Variants in MBD4 observed in about 807,000 individuals in gnomAD.
The protein encoded by MBD4 is methyl-CpG binding domain 4, DNA glycosylase, also known as methyl-CpG-binding domain protein 4.
A neutral mutation model predicts 60.2 loss-of-function variants in MBD4; 53 were observed. The ratio of observed to expected loss-of-function variants is 0.88; its 90% confidence interval spans 0.71 to 1.11. The LOEUF is 1.11. Ranked by LOEUF, MBD4 falls within the 50% of genes least tolerant of loss-of-function variation. The probability of loss-of-function intolerance (pLI) is 0.00; values close to 1 mark genes in which losing one functional copy is unlikely to be tolerated. For synonymous variants in MBD4, 231 were observed against 229.8 expected (o/e 1.01, Z -0.05); for missense variants, 619 against 674.0 (o/e 0.92, Z 0.90).
In MBD4 at chr3:129,433,086, A is replaced by G; in HGVS notation, c.1543+12T>C. On this transcript the variant is annotated intron_variant, in intron 6 of 7. Coordinates refer to ENST00000429544, the MANE Select transcript of MBD4 (RefSeq NM_001276270.2). ...TGTATTATGTTTTTCCTTTGGGTGT[A>G]TAGGAAAATACCTGAGAACTTGACA... is the stretch of plus-strand genomic sequence containing the variant. The G allele has an allele frequency of 1.9e-6, 3 of 1,614,094 alleles. No individual in the cohort carries two copies. The highest frequency in any genetic ancestry group is 2.5e-6 in the Non-Finnish European group (3 of 1,179,942).
Position 129,439,818 on chromosome 3 carries a change from G to A in MBD4, c.16C>T (p.Leu6=). ...CGGTCCCCCAGACTCAGACTCTCCA[G>A]CCCAGTCGTGCCCATCGAGCAGGGT... MGTTG[L]ESLSLGDRGA... The change falls in exon 1 of 8, where the codon CTG becomes TTG. Residue 6 remains leucine (L), a synonymous_variant. Transcript: ENST00000429544. The A allele has an allele frequency of 6.2e-7, 1 of 1,611,040 alleles. No individual in the cohort carries two copies. Among genetic ancestry groups the A allele is most frequent in the East Asian group, 2.2e-5 (1 of 44,792 alleles).
Position 129,433,089 on chromosome 3 carries a change from G to A in MBD4, c.1543+9C>T. 1 of 1,614,110 alleles carries A rather than the reference G, an allele frequency of 6.2e-7. No individual in the cohort carries two copies. The highest frequency in any genetic ancestry group is 1.6e-4 in the Middle Eastern group (1 of 6,062). On this transcript the variant is annotated intron_variant, in intron 6 of 7. Transcript: ENST00000429544. ...ATTATGTTTTTCCTTTGGGTGTATA[G>A]GAAAATACCTGAGAACTTGACAATG...
chr3:129,433,890 C>A lies in MBD4; in HGVS notation c.1353G>T (p.Trp451Cys). Residue 451 changes from tryptophan (W) to cysteine (C), a missense_variant, in exon 5 of 8, where the codon TGG (tryptophan) becomes TGT (cysteine). Physicochemically the swap from Trp to Cys is radical, Grantham distance 215 (BLOSUM62 -2). Transcript: ENST00000429544. ...LVQETLFHDP[W>C]KLLIATIFLN... Reference sequence around the variant, plus strand: ...GAAATATAGTAGCGATGAGAAGCTTCCATGGATCATGAAAAAGTGTTTCTT... The same window carrying A: ...GAAATATAGTAGCGATGAGAAGCTTACATGGATCATGAAAAAGTGTTTCTT... 1 of 1,614,132 alleles carries A rather than the reference C, an allele frequency of 6.2e-7. No homozygotes were observed. Among genetic ancestry groups the A allele is most frequent in the Non-Finnish European group, 8.5e-7 (1 of 1,179,986 alleles).
In MBD4 at chr3:129,438,751, GA is replaced by G. The variant is rs72010084; in HGVS notation, c.105-802del. Among the ~76,000 whole-genome samples, 633 of 143,202 alleles carry G rather than the reference GA, an allele frequency of 4.4e-3. 6 individuals carry two copies. Among genetic ancestry groups the G allele is most frequent in the African/African-American group, 0.016 (608 of 38,664 alleles). The allele number at this position is 143,202 out of a possible 152,430, so 93.9% of individuals were successfully genotyped here. A position where few individuals can be genotyped will look rare whatever the true frequency, so the allele number is the denominator to read the frequency against. The stretch of plus-strand genomic sequence containing the variant: ...TGAGATCCTCGTCTTTGCAAAAAAT[GA>G]AAAAAAAAACCCAAAAAAACAAAAA... On this transcript the variant is annotated intron_variant, in intron 1 of 7. Coordinates refer to ENST00000429544, the MANE Select transcript of MBD4 (RefSeq NM_001276270.2).
At chr3:129,434,610 G>A (rs1290212661) in intron 3 of MBD4, among the ~76,000 whole-genome samples, 1 of 152,136 alleles carries the variant, frequency 6.6e-6, no homozygotes, top group African/African-American at 2.4e-5. Flanking sequence ...GAAAAAGCAA[G>A]AGTCTACATA....
At position 129,439,923 on chromosome 3, in the gene MBD4, C is replaced by T. The variant is rs1053786015; in HGVS notation, c.-90G>A. The T allele has an allele frequency of 2.9e-5, 27 of 935,460 alleles. No homozygotes were observed. The highest frequency in any genetic ancestry group is 4.4e-5 in the Non-Finnish European group (26 of 585,452). The allele number at this position is 935,460 out of a possible 1,614,324, so 57.9% of individuals were successfully genotyped here. ...GATGTGAAACCTCTTCAGCTCACGG[C>T]ACCGGGCTGCAACCGAGGTCTGAAT... On this transcript the variant is annotated 5_prime_UTR_variant, in exon 1 of 8. Coordinates refer to ENST00000429544, the MANE Select transcript of MBD4 (RefSeq NM_001276270.2).
Position 129,431,465 on chromosome 3 carries a change from G to A in MBD4, c.*36C>T, listed in dbSNP as rs180861060. The A allele has an allele frequency of 4.2e-4, 655 of 1,544,382 alleles. No homozygotes were observed. Among genetic ancestry groups the A allele is most frequent in the Non-Finnish European group, 5.3e-4 (594 of 1,117,866 alleles). On this transcript the variant is annotated 3_prime_UTR_variant, in exon 8 of 8. Coordinates refer to ENST00000429544, the MANE Select transcript of MBD4 (RefSeq NM_001276270.2). ...TAATTAAGCTTTTTTGAAGTGCAAA[G>A]CTATGCATAACAGATGAGCTTGAAA... is the stretch of plus-strand genomic sequence containing the variant.
At position 129,439,727 on chromosome 3, in the gene MBD4, T is replaced by C. The variant is rs1455790904; in HGVS notation, c.104+3A>G. On this transcript the variant is annotated splice_donor_region_variant and intron_variant, in intron 1 of 7. Coordinates refer to ENST00000429544, the MANE Select transcript of MBD4 (RefSeq NM_001276270.2). The stretch of plus-strand genomic sequence containing the variant: ...TGAGGCCCAAAAGGGGACAGTAACT[T>C]ACCGGAGGTCATTCGGCGGGTCTGG... 1.3e-6 allele frequency: 2 copies of C among 1,565,720 alleles called. No homozygotes were observed. Among genetic ancestry groups the C allele is most frequent in the South Asian group, 1.2e-5 (1 of 86,174 alleles).
At chr3:129,439,405 A>T (rs1257279563) in intron 1 of MBD4, among the ~76,000 whole-genome samples, 1 of 152,200 alleles carries the variant, frequency 6.6e-6, no homozygotes, top group African/African-American at 2.4e-5. Context: ...TTAAATTTTG[A>T]AAAAAGTAGG....
chr3:129,433,895 G>A lies in MBD4; in HGVS notation c.1348C>T (p.Pro450Ser). The change falls in exon 5 of 8, where the codon CCA becomes TCA. Residue 450 changes from proline (P) to serine (S), a missense_variant. Transcript: ENST00000429544. ...NLVQETLFHD[P>S]WKLLIATIFL... The stretch of plus-strand genomic sequence containing the variant: ...ATAGTAGCGATGAGAAGCTTCCATG[G>A]ATCATGAAAAAGTGTTTCTTGAACG... 6.2e-7 allele frequency: 1 copy of A among 1,614,124 alleles called. No homozygotes were observed. Among genetic ancestry groups the A allele is most frequent in the Non-Finnish European group, 8.5e-7 (1 of 1,179,962 alleles).
chr3:129,437,807 C>A lies in MBD4; in HGVS notation c.248G>T (p.Arg83Leu). Reference protein sequence around the residue: ...QFGATAGTECRKSVPCGWERV... With the variant: ...QFGATAGTECLKSVPCGWERV... ...TTCCCATCCACATGGGACAGACTTA[C>A]GGCATTCTGTTCCTGCAGTAGCACC... is the stretch of plus-strand genomic sequence containing the variant. The change falls in exon 2 of 8, where the codon CGT becomes CTT. Residue 83 changes from arginine to leucine, a missense_variant. Coordinates refer to ENST00000429544, the MANE Select transcript of MBD4 (RefSeq NM_001276270.2). 6 of 1,614,146 alleles carry A rather than the reference C, an allele frequency of 3.7e-6. No homozygotes were observed. Among genetic ancestry groups the A allele is most frequent in the African/African-American group, 1.3e-5 (1 of 75,034 alleles).
At chr3:129,433,719 T>C in intron 5 of MBD4, 131 bp downstream of exon 5, 2 of 1,034,778 alleles carry the variant, frequency 1.9e-6, no homozygotes, top group Non-Finnish European at 3.0e-6. Context: ...GGTGAAGAGT[T>C]TAAGGGTGAA....
At chr3:129,435,311 T>A (rs1420811718) in intron 3 of MBD4, among the ~76,000 whole-genome samples, 1 of 152,126 alleles carries the variant, frequency 6.6e-6, no homozygotes, top group African/African-American at 2.4e-5. Flanking sequence ...TAATTACTAG[T>A]CTCCTTTATG....
Position 129,438,005 on chromosome 3 carries a change from T to C in MBD4, c.105-55A>G, listed in dbSNP as rs559397947. The C allele has an allele frequency of 2.9e-6, 3 of 1,031,844 alleles. No homozygotes were observed. In the South Asian group the frequency reaches 3.9e-5, roughly 14 times the overall value. 63.9% of individuals were successfully genotyped at this position (1,031,844 alleles called of 1,614,324 possible). On this transcript the variant is annotated intron_variant, in intron 1 of 7. Coordinates refer to ENST00000429544, the MANE Select transcript of MBD4 (RefSeq NM_001276270.2). ...TATTTAAAATTTATCTTCCACTGCCTACTCAGTTTTAATCCATGACAATGC... is the reference window on the plus strand; with the variant it reads ...TATTTAAAATTTATCTTCCACTGCCCACTCAGTTTTAATCCATGACAATGC...
intron 1 of MBD4, 101 bp from the exon 2 acceptor site, chr3:129,438,051 A>G: frequency 6.8e-6 from 5 of 732,772 alleles, no homozygotes. Flanking sequence ...TAGATTATCC[A>G]TATTAAAATG....
rs886467526 is a variant in MBD4 at position 129,437,302 on chromosome 3, T to C, written c.342A>G (p.Gln114=). Residue 114 remains glutamine (Q), a synonymous_variant, in exon 3 of 8, where the codon CAA becomes CAG. Transcript: ENST00000429544. ...AACTTTTGGATCTGAACTTCAGTCC[T>C]TGTGGGCTAGAAAATGATATTAAAG... ...GRFDVYFISP[Q]GLKFRSKSSL... is the part of the protein sequence containing the mutation. 14 of 1,604,642 alleles carry C rather than the reference T, an allele frequency of 8.7e-6. No individual in the cohort carries two copies. Among genetic ancestry groups the C allele is most frequent in the East Asian group, 4.5e-5 (2 of 44,884 alleles).
At position 129,436,663 on chromosome 3, in the gene MBD4, T is replaced by A. The variant is rs930646770; in HGVS notation, c.981A>T (p.Gln327His). The A allele has an allele frequency of 5.6e-6, 9 of 1,614,226 alleles. No individual in the cohort carries two copies. Among genetic ancestry groups the A allele is most frequent in the Non-Finnish European group, 7.6e-6 (9 of 1,180,040 alleles). The change falls in exon 3 of 8, where the codon CAA becomes CAT. Residue 327 changes from glutamine (Q) to histidine (H), a missense_variant. By Grantham distance (24) the Gln-to-His change is conservative. Coordinates refer to ENST00000429544, the MANE Select transcript of MBD4 (RefSeq NM_001276270.2). Reference protein sequence around the residue: ...LSSGSNFCSEQKTSGIINKFC... With the variant: ...LSSGSNFCSEHKTSGIINKFC... ...ATTTGTTTATGATGCCAGAAGTTTTTTGTTCAGAACAAAAATTTGATCCTG... is the reference window on the plus strand; with the variant it reads ...ATTTGTTTATGATGCCAGAAGTTTTATGTTCAGAACAAAAATTTGATCCTG...
Position 129,431,495 on chromosome 3 carries a change from CAG to C in MBD4, c.*4_*5del. The C allele has an allele frequency of 6.2e-7, 1 of 1,610,288 alleles. No homozygotes were observed. The highest frequency in any genetic ancestry group is 8.5e-7 in the Non-Finnish European group (1 of 1,177,170). On this transcript the variant is annotated 3_prime_UTR_variant, in exon 8 of 8. Coordinates refer to ENST00000429544, the MANE Select transcript of MBD4 (RefSeq NM_001276270.2). The stretch of plus-strand genomic sequence containing the variant: ...GCATAACAGATGAGCTTGAAAGCTG[CAG>C]AGTTTAAGATAGACTTAATTTTTCA...
intron 3 of MBD4, 122 bp downstream of exon 3, chr3:129,436,339 G>T: frequency 8.4e-7 from 1 of 1,194,394 alleles, no homozygotes; most frequent in Non-Finnish European, 1.2e-6. Flanking sequence ...CCTATTTCTT[G>T]GCTCTATTTT....
Sources: gnomAD v4.1 joint callset for allele counts (sites outside exome capture counted in the v4.1 genomes callset) on GRCh38, gnomAD v4.1.1 for gene constraint, MANE v1.5 for transcripts, NCBI Gene and HGNC (gene_info 2026-07-23, HGNC 2026-07-21) for gene names.